SORCS3: variants seen among roughly 807,000 people sequenced by gnomAD.
SORCS3 encodes the protein VPS10 domain-containing receptor SorCS3.
In SORCS3, 57 loss-of-function variants were observed where a neutral mutation model predicts 146.3. The observed-to-expected ratio is 0.39, with a 90% CI of 0.31 to 0.49. SORCS3 has a LOEUF of 0.49. Among genes scored for constraint, SORCS3 ranks in the 20% least tolerant of loss-of-function variants. The pLI, the probability that SORCS3 is intolerant of heterozygous loss-of-function variation, is 0.92. For missense variants in SORCS3, 1,341 were observed against 1,575.5 expected, an observed-to-expected ratio of 0.85 and a Z score of 2.52; for synonymous variants, 653 against 618.5, an observed-to-expected ratio of 1.06 and a Z score of -0.83.
intron 14 of SORCS3, among the ~76,000 whole-genome samples, chr10:105,192,753 C>A (rs2056523462): frequency 6.6e-6 from 1 of 152,136 alleles, no homozygotes; most frequent in Non-Finnish European, 1.5e-5. Flanking sequence ...TTCCTAGGAA[C>A]AAATTCTGAT....
chr10:105,045,634 A>G (rs2055366968), intron 5 of SORCS3, among the ~76,000 whole-genome samples: 3 of 152,162 alleles, frequency 2.0e-5, no homozygotes, highest in Admixed American at 2.0e-4. Flanking sequence ...TTAACTTGTT[A>G]TCTCCTTGAG....
intron 4 of SORCS3, among the ~76,000 whole-genome samples, chr10:104,985,373 G>A (rs906678732): frequency 1.3e-5 from 2 of 152,026 alleles, no homozygotes; most frequent in African/African-American, 4.8e-5. Context: ...CACTTCTTCA[G>A]GCTCCACTTA....
intron 1 of SORCS3, among the ~76,000 whole-genome samples, chr10:104,652,242 G>A (rs1488319118): frequency 1.3e-5 from 2 of 152,130 alleles, no homozygotes; most frequent in African/African-American, 4.8e-5. Context: ...TCAATAATTT[G>A]TTTGCTTAGT....
chr10:104,896,603 G>A (rs1289582681), intron 2 of SORCS3, among the ~76,000 whole-genome samples: 1 of 152,252 alleles, frequency 6.6e-6, no homozygotes, highest in East Asian at 1.9e-4. Context: ...AAGTGGGCAG[G>A]GGTCAGCCAG....
At chr10:104,851,746 C>T (rs571844909) in intron 2 of SORCS3, among the ~76,000 whole-genome samples, 4 of 152,296 alleles carry the variant, frequency 2.6e-5, no homozygotes, top group African/African-American at 9.6e-5. Flanking sequence ...ATACCCCATT[C>T]CTGCTTATAT....
chr10:104,643,747 G>GTGTGTGTGT (rs2015458534), intron 1 of SORCS3, among the ~76,000 whole-genome samples: 1 of 104,678 alleles, frequency 9.6e-6, no homozygotes, highest in African/African-American at 4.2e-5. Flanking sequence ...TGTGTGTGTT[G>GTGTGTGTGT]GGGTTCTTAC....
chr10:104,851,681 A>G (rs2018275316), intron 2 of SORCS3, among the ~76,000 whole-genome samples: 1 of 152,212 alleles, frequency 6.6e-6, no homozygotes, highest in Non-Finnish European at 1.5e-5. Flanking sequence ...AAAAGAAAAA[A>G]ATTCAACTCA....
At chr10:104,952,184 G>A (rs2019438194) in intron 3 of SORCS3, among the ~76,000 whole-genome samples, 1 of 129,430 alleles carries the variant, frequency 7.7e-6, no homozygotes, top group Admixed American at 9.2e-5. Context: ...TCCTAAATTG[G>A]ACACTCTTTG....
intron 26 of SORCS3, among the ~76,000 whole-genome samples, chr10:105,262,876 G>T (rs1366331998): frequency 1.3e-5 from 2 of 152,118 alleles, no homozygotes; most frequent in African/African-American, 4.8e-5. Context: ...CTACATCTGT[G>T]ACCTCTCTGT....
At chr10:104,749,825 T>C (rs796820537) in intron 1 of SORCS3, among the ~76,000 whole-genome samples, 1 of 152,246 alleles carries the variant, frequency 6.6e-6, no homozygotes, top group South Asian at 2.1e-4. Context: ...TTTTATTTAT[T>C]TGATTTCCTC....
chr10:104,807,650 C>T (rs1475661351), intron 1 of SORCS3, among the ~76,000 whole-genome samples: 1 of 152,136 alleles, frequency 6.6e-6, no homozygotes, highest in Non-Finnish European at 1.5e-5. Context: ...CCTCTTTTCT[C>T]TTTATTTTTT....
chr10:105,259,315 G>T (rs559620624), intron 25 of SORCS3, among the ~76,000 whole-genome samples: 12 of 152,282 alleles, frequency 7.9e-5, no homozygotes, highest in African/African-American at 2.9e-4. Flanking sequence ...CTGTTTCTGT[G>T]TCCAGATCAT....
At chr10:104,823,525 T>A (rs920268115) in intron 1 of SORCS3, among the ~76,000 whole-genome samples, 2 of 152,176 alleles carry the variant, frequency 1.3e-5, no homozygotes, top group Non-Finnish European at 2.9e-5. Context: ...CTCTTATGTT[T>A]GGACCATTGC....
chr10:105,242,153 C>T (rs1315207468), intron 20 of SORCS3, among the ~76,000 whole-genome samples: 1 of 150,616 alleles, frequency 6.6e-6, no homozygotes, highest in East Asian at 1.9e-4. Flanking sequence ...AAACATTTTC[C>T]TAAATCATTC....
At chr10:104,870,709 T>TA (rs1397792473) in intron 2 of SORCS3, among the ~76,000 whole-genome samples, 1 of 152,074 alleles carries the variant, frequency 6.6e-6, no homozygotes, top group East Asian at 1.9e-4. Flanking sequence ...CTGGCTGTGA[T>TA]ACGGTCATTT....
At chr10:104,884,648 G>A (rs1294124187) in intron 2 of SORCS3, among the ~76,000 whole-genome samples, 1 of 152,018 alleles carries the variant, frequency 6.6e-6, no homozygotes, top group African/African-American at 2.4e-5. Flanking sequence ...GTTCCATTGG[G>A]TATAGGAAGG....
chr10:104,690,351 C>T (rs1265770134), intron 1 of SORCS3, among the ~76,000 whole-genome samples: 1 of 152,208 alleles, frequency 6.6e-6, no homozygotes, highest in East Asian at 1.9e-4. Flanking sequence ...CAGAAGTCCC[C>T]ATCTCTGGAG....
chr10:104,744,588 G>A (rs559906559), intron 1 of SORCS3, among the ~76,000 whole-genome samples: 2 of 152,290 alleles, frequency 1.3e-5, no homozygotes, highest in Non-Finnish European at 2.9e-5. Flanking sequence ...AAACAAAATA[G>A]TTAATAAGGG....
At chr10:104,796,001 G>A (rs1350781022) in intron 1 of SORCS3, among the ~76,000 whole-genome samples, 1 of 152,194 alleles carries the variant, frequency 6.6e-6, no homozygotes, top group Non-Finnish European at 1.5e-5. Flanking sequence ...TTGGACCCAG[G>A]AACCTTCCTG....
Sources: allele counts gnomAD v4.1 joint callset (sites outside exome capture counted in the v4.1 genomes callset), GRCh38; gene constraint gnomAD v4.1.1; transcripts MANE v1.5; gene names NCBI Gene and HGNC (gene_info 2026-07-23, HGNC 2026-07-21).